LRRC4C: variants seen among roughly 807,000 people sequenced by gnomAD.
The protein encoded by LRRC4C is leucine rich repeat containing 4C, also known as leucine-rich repeat-containing protein 4C.
A neutral mutation model predicts 33.6 loss-of-function variants in LRRC4C; 5 were observed. That is an observed-to-expected ratio of 0.15 (90% CI 0.08 to 0.31). The LOEUF (loss-of-function observed/expected upper bound fraction) is 0.31. Among genes scored for constraint, LRRC4C ranks in the 10% least tolerant of loss-of-function variants. The pLI is 1.00. For missense variants in LRRC4C, 560 were observed against 796.7 expected (o/e 0.70, Z 3.58); for synonymous variants, 329 against 302.0 (o/e 1.09, Z -0.93).
intron 2 of LRRC4C, among the ~76,000 whole-genome samples, chr11:40,818,538 T>C (rs1211249360): frequency 1.3e-5 from 2 of 152,100 alleles, no homozygotes; most frequent in Admixed American, 1.3e-4. Flanking sequence ...ATAAGAAAGA[T>C]TAGGTTAACT....
At chr11:40,849,852 T>C (rs934342672) in intron 2 of LRRC4C, among the ~76,000 whole-genome samples, 1 of 151,832 alleles carries the variant, frequency 6.6e-6, no homozygotes, top group African/African-American at 2.4e-5. Flanking sequence ...TCTCTAATCT[T>C]TTCTTCACAC....
rs570303268 is a variant in LRRC4C, at chr11:40,953,442, C to T, written c.-495-19719G>A. Among the ~76,000 whole-genome samples the T allele has an allele frequency of 3.3e-5, 5 of 151,914 alleles. No homozygotes were observed. The East Asian group carries it at 9.7e-4, about 30-fold the overall frequency. ...GACCCTTCCAATTCATAACAGTCTC[C>T]ACCTTCTCTGAACCTCTGAATACAT... is the stretch of plus-strand genomic sequence containing the variant. On this transcript the variant is annotated intron_variant, in intron 1 of 6. Transcript: ENST00000528697.
chr11:41,443,368 G>A (rs1441087768), intron 1 of LRRC4C, among the ~76,000 whole-genome samples: 1 of 151,898 alleles, frequency 6.6e-6, no homozygotes. Flanking sequence ...ATTTAGCTGG[G>A]CCTGGTGGTG....
intron 3 of LRRC4C, among the ~76,000 whole-genome samples, chr11:40,523,858 T>C (rs1487431637): frequency 2.6e-5 from 4 of 152,192 alleles, no homozygotes; most frequent in Admixed American, 2.6e-4. Context: ...GTCTTCATTC[T>C]GTTCCTGCAT....
intron 3 of LRRC4C, among the ~76,000 whole-genome samples, chr11:40,545,085 T>C (rs1028543434): frequency 6.6e-6 from 1 of 152,024 alleles, no homozygotes; most frequent in African/African-American, 2.4e-5. Context: ...AAATAGCACC[T>C]TGTCTCTGAA....
intron 4 of LRRC4C, among the ~76,000 whole-genome samples, chr11:40,316,773 A>G (rs1440439537): frequency 6.6e-6 from 1 of 151,954 alleles, no homozygotes; most frequent in East Asian, 1.9e-4. Context: ...TAAACTTAGA[A>G]TGCTTTCACT....
At chr11:41,071,560 G>C (rs1938685877) in intron 1 of LRRC4C, among the ~76,000 whole-genome samples, 1 of 152,166 alleles carries the variant, frequency 6.6e-6, no homozygotes, top group South Asian at 2.1e-4. Context: ...TAATCCCACT[G>C]TTGAGGCCTA....
At chr11:40,439,214 A>G (rs914101736) in intron 3 of LRRC4C, among the ~76,000 whole-genome samples, 5 of 151,586 alleles carry the variant, frequency 3.3e-5, no homozygotes, top group African/African-American at 1.2e-4. Context: ...TGCTGGGATT[A>G]GAGGCGTGAG....
At chr11:40,529,347 T>C (rs55938440) in intron 3 of LRRC4C, among the ~76,000 whole-genome samples, 13,369 of 152,008 alleles carry the variant, frequency 0.088, 1,669 homozygotes, top group African/African-American at 0.28. Context: ...TAAATCTTTT[T>C]TTAAAAAAAA....
chr11:41,268,559 T>C (rs566926688), intron 1 of LRRC4C, among the ~76,000 whole-genome samples: 4 of 152,164 alleles, frequency 2.6e-5, no homozygotes, highest in Admixed American at 1.3e-4. Flanking sequence ...TTTTAAAAAT[T>C]GTACCTCATT....
intron 3 of LRRC4C, among the ~76,000 whole-genome samples, chr11:40,569,441 A>G (rs1009371279): frequency 1.6e-4 from 25 of 152,198 alleles, no homozygotes; most frequent in African/African-American, 6.0e-4. Context: ...CAACAGATTG[A>G]AAGCTCTTTC....
chr11:40,375,809 G>A (rs1201572136), intron 3 of LRRC4C, among the ~76,000 whole-genome samples: 7 of 152,044 alleles, frequency 4.6e-5, no homozygotes, highest in African/African-American at 7.2e-5. Flanking sequence ...GGCTACCACG[G>A]GAGTCACGTG....
chr11:40,216,695 TC>T (rs1864004328), intron 5 of LRRC4C, among the ~76,000 whole-genome samples: 1 of 152,070 alleles, frequency 6.6e-6, no homozygotes, highest in Non-Finnish European at 1.5e-5. Context: ...TCTGTGAATT[TC>T]CCCAGTTATG....
intron 3 of LRRC4C, among the ~76,000 whole-genome samples, chr11:40,376,719 TTA>T (rs1302077553): frequency 2.1e-5 from 3 of 143,756 alleles, no homozygotes; most frequent in Non-Finnish European, 3.0e-5. Context: ...ATGTGTGTGC[TTA>T]TGTGTGTGTG....
chr11:40,737,704 C>T (rs1307935847), intron 2 of LRRC4C, among the ~76,000 whole-genome samples: 2 of 152,054 alleles, frequency 1.3e-5, no homozygotes, highest in Admixed American at 1.3e-4. Context: ...CAAACCAATG[C>T]TCAAGGAAAT....
At chr11:41,281,319 T>A (rs944320321) in intron 1 of LRRC4C, among the ~76,000 whole-genome samples, 1 of 152,178 alleles carries the variant, frequency 6.6e-6, no homozygotes, top group Non-Finnish European at 1.5e-5. Context: ...GTGTCTTCTC[T>A]GATTCACTAT....
intron 2 of LRRC4C, among the ~76,000 whole-genome samples, chr11:40,793,748 T>C (rs994077290): frequency 6.6e-6 from 1 of 152,204 alleles, no homozygotes; most frequent in African/African-American, 2.4e-5. Context: ...TACCAAGATA[T>C]TATAGCATTG....
intron 2 of LRRC4C, among the ~76,000 whole-genome samples, chr11:40,710,275 G>A (rs1189282758): frequency 6.6e-6 from 1 of 152,098 alleles, no homozygotes; most frequent in East Asian, 1.9e-4. Context: ...GGGACTCTCT[G>A]GTTTTTAGAA....
chr11:41,254,923 TC>T (rs1250342849), intron 1 of LRRC4C, among the ~76,000 whole-genome samples: 1 of 152,044 alleles, frequency 6.6e-6, no homozygotes, highest in Admixed American at 6.6e-5. Flanking sequence ...CAGCCCTTGT[TC>T]CCCAAGTGGA....
Sources: gnomAD v4.1 joint callset for allele counts (sites outside exome capture counted in the v4.1 genomes callset) on GRCh38, gnomAD v4.1.1 for gene constraint, MANE v1.5 for transcripts, NCBI Gene and HGNC (gene_info 2026-07-23, HGNC 2026-07-21) for gene names.